ITGA8: variants seen among roughly 807,000 people sequenced by gnomAD.
ITGA8 encodes the protein integrin subunit alpha 8, also known as integrin alpha-8.
In ITGA8, 91 loss-of-function variants were observed where a neutral mutation model predicts 142.3. The ratio of observed to expected loss-of-function variants is 0.64; its 90% CI spans 0.54 to 0.76. ITGA8 has a LOEUF of 0.76. Among genes scored for constraint, ITGA8 ranks in the 30% least tolerant of loss-of-function variants. The pLI is 0.00. For synonymous variants in ITGA8, 505 were observed against 485.2 expected, an observed-to-expected ratio of 1.04 and a Z score of -0.54; for missense variants, 1,406 against 1,327.7, an observed-to-expected ratio of 1.06 and a Z score of -0.92.
At chr10:15,604,962 A>C (rs1833168185) in intron 19 of ITGA8, among the ~76,000 whole-genome samples, 1 of 152,184 alleles carries the variant, frequency 6.6e-6, no homozygotes, top group Admixed American at 6.6e-5. Flanking sequence ...CAATAGTTGG[A>C]AATGCCTACT....
chr10:15,660,823 A>G, intron 9 of ITGA8, 56 bp downstream of exon 9: 1 of 1,365,248 alleles, frequency 7.3e-7, no homozygotes, highest in Non-Finnish European at 1.0e-6. Flanking sequence ...TAATTCCATC[A>G]AGGAGCACCT....
Position 15,521,773 on chromosome 10 carries a change from G to T in ITGA8, c.2983-2361C>A, listed in dbSNP as rs188703193. On this transcript the variant is annotated intron_variant, in intron 28 of 29. Transcript: ENST00000378076. ...GGATGAGAAACGTAGTTCATACGTC[G>T]AAGAAATCAATTTCAAGGACCCACC... is the stretch of plus-strand genomic sequence containing the variant. Among the ~76,000 whole-genome samples, 6 of 152,292 alleles carry T rather than the reference G, an allele frequency of 3.9e-5. No individual in the cohort carries two copies. In the East Asian group the frequency reaches 9.6e-4, roughly 24 times the overall value.
At chr10:15,594,407 A>G (rs1383234782) in intron 21 of ITGA8, among the ~76,000 whole-genome samples, 1 of 151,852 alleles carries the variant, frequency 6.6e-6, no homozygotes, top group Non-Finnish European at 1.5e-5. Flanking sequence ...TGAGTTTCTT[A>G]TTGAGTGAAG....
chr10:15,538,345 T>C, intron 27 of ITGA8, among the ~76,000 whole-genome samples: 1 of 151,950 alleles, frequency 6.6e-6, no homozygotes, highest in Middle Eastern at 3.2e-3. Flanking sequence ...AAACTCCGTC[T>C]CTACTAAAAT....
At chr10:15,531,437 C>T (rs1179256047) in intron 27 of ITGA8, among the ~76,000 whole-genome samples, 1 of 120,436 alleles carries the variant, frequency 8.3e-6, no homozygotes, top group East Asian at 1.9e-4. Context: ...TATCTTCTTC[C>T]TATTTCTAAG....
intron 12 of ITGA8, among the ~76,000 whole-genome samples, chr10:15,645,417 C>T (rs537974529): frequency 1.3e-5 from 2 of 152,260 alleles, no homozygotes; most frequent in South Asian, 4.1e-4. Context: ...TAAACGACAG[C>T]TCCATAGATA....
Position 15,515,919 on chromosome 10 carries a change from A to G in ITGA8, c.*1239T>C, listed in dbSNP as rs184573268. The G allele has an allele frequency of 1.3e-5, 2 of 152,336 alleles. No homozygotes were observed. The highest frequency in any genetic ancestry group is 2.9e-5 in the Non-Finnish European group (2 of 68,018). The allele number at this position is 152,336 out of a possible 1,614,324, so 9.4% of individuals were successfully genotyped here. A position where few individuals can be genotyped will look rare whatever the true frequency, so the allele number is the denominator to read the frequency against. Reference sequence around the variant, plus strand: ...CATATTATAAAGATTAGCAGTAAAAATAAGTAATAAAGTTGGAATAAGCAA... The same window carrying G: ...CATATTATAAAGATTAGCAGTAAAAGTAAGTAATAAAGTTGGAATAAGCAA... On this transcript the variant is annotated 3_prime_UTR_variant, in exon 30 of 30. Coordinates refer to ENST00000378076, the MANE Select transcript of ITGA8 (RefSeq NM_003638.3).
At chr10:15,616,886 T>C (rs1423814682) in intron 13 of ITGA8, among the ~76,000 whole-genome samples, 1 of 152,192 alleles carries the variant, frequency 6.6e-6, no homozygotes, top group Non-Finnish European at 1.5e-5. Context: ...GAAAGTCAGC[T>C]GCTTAGTGTC....
rs1361099457 is a variant in ITGA8 at position 15,514,306 on chromosome 10, T to G, written c.*2852A>C. 6.6e-6 allele frequency: 1 copy of G among 152,246 alleles called. No individual in the cohort carries two copies. The highest frequency in any genetic ancestry group is 1.5e-5 in the Non-Finnish European group (1 of 68,054). 9.4% of individuals were successfully genotyped at this position (152,246 alleles called of 1,614,324 possible). A position where few individuals can be genotyped will look rare whatever the true frequency, so the allele number is the denominator to read the frequency against. ...CTCAGTGTGTTCTCTGTCGTCAGTA[T>G]GTTCTCTGGGCAGAACGGATTGCTG... On this transcript the variant is annotated 3_prime_UTR_variant, in exon 30 of 30. Transcript: ENST00000378076.
intron 27 of ITGA8, among the ~76,000 whole-genome samples, chr10:15,545,688 T>G (rs1279412407): frequency 6.6e-6 from 1 of 152,164 alleles, no homozygotes; most frequent in East Asian, 1.9e-4. Flanking sequence ...TTGCCTGTTT[T>G]TTTTTTTAGC....
chr10:15,530,573 TTCAGTTGAAGC>T (rs1833269020), intron 28 of ITGA8, among the ~76,000 whole-genome samples: 1 of 150,346 alleles, frequency 6.7e-6, no homozygotes, highest in Non-Finnish European at 1.5e-5. Context: ...AGACATTTCA[TTCAGTTGAAGC>T]TCAGAGTAGA....
intron 11 of ITGA8, among the ~76,000 whole-genome samples, chr10:15,651,151 G>C (rs796209564): frequency 6.6e-6 from 1 of 151,610 alleles, no homozygotes; most frequent in East Asian, 1.9e-4. Flanking sequence ...GTAATTCAGT[G>C]AATTTCTGAA....
chr10:15,615,195 T>C (rs1410257439), intron 14 of ITGA8, among the ~76,000 whole-genome samples: 1 of 152,200 alleles, frequency 6.6e-6, no homozygotes, highest in East Asian at 1.9e-4. Context: ...CTGTGCCCAT[T>C]CTGCTCCAGC....
At chr10:15,668,211 G>A (rs1834435079) in intron 8 of ITGA8, among the ~76,000 whole-genome samples, 1 of 151,954 alleles carries the variant, frequency 6.6e-6, no homozygotes, top group Non-Finnish European at 1.5e-5. Flanking sequence ...TTCTGTATTG[G>A]GTGCATATAT....
At chr10:15,550,455 A>G (rs1243848052) in intron 26 of ITGA8, among the ~76,000 whole-genome samples, 1 of 152,112 alleles carries the variant, frequency 6.6e-6, no homozygotes, top group Non-Finnish European at 1.5e-5. Flanking sequence ...CAGAGGGAAG[A>G]GGGGTGTCAA....
At chr10:15,691,427 A>T (rs1418935691) in intron 2 of ITGA8, among the ~76,000 whole-genome samples, 4 of 152,206 alleles carry the variant, frequency 2.6e-5, no homozygotes, top group Non-Finnish European at 5.9e-5. Context: ...AAGAGCCAAG[A>T]TATGGGATCA....
intron 25 of ITGA8, among the ~76,000 whole-genome samples, chr10:15,560,245 T>A (rs1195174347): frequency 2.0e-5 from 3 of 152,054 alleles, no homozygotes; most frequent in African/African-American, 7.2e-5. Context: ...TGCCACTGAA[T>A]TCTCAGCCTG....
chr10:15,655,583 A>C (rs564986441), intron 10 of ITGA8, among the ~76,000 whole-genome samples, 177 bp from the exon 11 acceptor site: 1 of 152,284 alleles, frequency 6.6e-6, no homozygotes, highest in East Asian at 1.9e-4. Context: ...TGACCCAGTG[A>C]ATAATTTTCC....
intron 13 of ITGA8, among the ~76,000 whole-genome samples, chr10:15,641,001 A>G (rs1833861620): frequency 6.6e-6 from 1 of 152,230 alleles, no homozygotes; most frequent in African/African-American, 2.4e-5. Flanking sequence ...GCTGGACAAC[A>G]GGTAAACCCC....
Sources: allele counts gnomAD v4.1 joint callset (sites outside exome capture counted in the v4.1 genomes callset), GRCh38; gene constraint gnomAD v4.1.1; transcripts MANE v1.5; gene names NCBI Gene and HGNC (gene_info 2026-07-23, HGNC 2026-07-21).